The following USH2A variants were observed in gnomAD, a reference collection of about 807,000 sequenced individuals.
USH2A encodes the protein usherin.
In USH2A, 443 loss-of-function variants were observed where a neutral mutation model predicts 538.9. The observed-to-expected ratio is 0.82, with a 90% confidence interval of 0.76 to 0.89. The LOEUF (loss-of-function observed/expected upper bound fraction) is 0.89. USH2A is among the 40% of genes least tolerant of loss of function. The pLI, the probability that USH2A is intolerant of heterozygous loss-of-function variation, is 0.00. For synonymous variants in USH2A, 2,413 were observed against 2,273.5 expected (o/e 1.06, Z -1.75); for missense variants, 6,633 against 6,324.8 (o/e 1.05, Z -1.65).
At chr1:215,701,423 A>C (rs898560563) in intron 61 of USH2A, among the ~76,000 whole-genome samples, 4 of 152,228 alleles carry the variant, frequency 2.6e-5, no homozygotes, top group African/African-American at 9.6e-5. Flanking sequence ...TGGGGTGTTA[A>C]AGTCTCTCAC....
At chr1:216,118,149 C>T (rs1378186413) in intron 21 of USH2A, among the ~76,000 whole-genome samples, 1 of 152,070 alleles carries the variant, frequency 6.6e-6, no homozygotes, top group Non-Finnish European at 1.5e-5. Flanking sequence ...AGAGTTTCTT[C>T]TTTCACAAGT....
At chr1:215,981,399 A>C (rs1277106664) in intron 35 of USH2A, among the ~76,000 whole-genome samples, 1 of 152,106 alleles carries the variant, frequency 6.6e-6, no homozygotes, top group East Asian at 1.9e-4. Context: ...AATAAATGTT[A>C]ATTTTAGTAA....
At chr1:215,941,306 A>G (rs542270352) in intron 37 of USH2A, among the ~76,000 whole-genome samples, 7 of 152,260 alleles carry the variant, frequency 4.6e-5, no homozygotes, top group African/African-American at 1.7e-4. Context: ...AGTACAGTTC[A>G]CTATATATAT....
At chr1:216,321,087 C>T (rs1308437014) in intron 9 of USH2A, among the ~76,000 whole-genome samples, 1 of 152,080 alleles carries the variant, frequency 6.6e-6, no homozygotes, top group African/African-American at 2.4e-5. Context: ...AAGCCACATA[C>T]ATTTTTGTAC....
At chr1:216,337,332 T>C (rs1341894706) in intron 4 of USH2A, among the ~76,000 whole-genome samples, 1 of 151,250 alleles carries the variant, frequency 6.6e-6, no homozygotes, top group Non-Finnish European at 1.5e-5. Context: ...CATATAGATA[T>C]TAAGAAATTT....
intron 21 of USH2A, among the ~76,000 whole-genome samples, chr1:216,108,350 T>C (rs552960986): frequency 1.3e-5 from 2 of 152,066 alleles, no homozygotes; most frequent in Admixed American, 6.5e-5. Context: ...TTTTCTTCTA[T>C]GTAGTGCCTT....
intron 40 of USH2A, among the ~76,000 whole-genome samples, chr1:215,897,719 A>G (rs1029802530): frequency 2.7e-4 from 27 of 99,860 alleles, no homozygotes; most frequent in African/African-American, 1.7e-3. Context: ...AAAAGAAAGA[A>G]AGAGAAAGAA....
At chr1:215,737,102 C>T (rs1235639372) in intron 60 of USH2A, among the ~76,000 whole-genome samples, 1 of 151,726 alleles carries the variant, frequency 6.6e-6, no homozygotes, top group African/African-American at 2.4e-5. Context: ...TGATACACAT[C>T]CATATAACAG....
intron 62 of USH2A, among the ~76,000 whole-genome samples, chr1:215,678,213 C>T (rs750914565): frequency 7.2e-5 from 11 of 152,174 alleles, no homozygotes; most frequent in Non-Finnish European, 1.6e-4. Flanking sequence ...TTTTTAAAAA[C>T]GTAAATTTGA....
At chr1:215,706,622 G>A (rs1344527579) in intron 61 of USH2A, among the ~76,000 whole-genome samples, 1 of 152,090 alleles carries the variant, frequency 6.6e-6, no homozygotes, top group African/African-American at 2.4e-5. Context: ...GACATTTGGT[G>A]GCACACTTAA....
chr1:215,676,718 A>T (rs1036867975), intron 62 of USH2A, among the ~76,000 whole-genome samples: 1 of 152,180 alleles, frequency 6.6e-6, no homozygotes, highest in Non-Finnish European at 1.5e-5. Context: ...CCATGTGGGA[A>T]GGGGACTGCC....
At chr1:216,230,127 T>C (rs1191561813) in intron 14 of USH2A, among the ~76,000 whole-genome samples, 1 of 151,914 alleles carries the variant, frequency 6.6e-6, no homozygotes, top group Non-Finnish European at 1.5e-5. Context: ...AGGAGGACAG[T>C]GGGTTGGGGA....
chr1:216,001,810 G>A (rs1668270953), intron 32 of USH2A, among the ~76,000 whole-genome samples: 1 of 152,006 alleles, frequency 6.6e-6, no homozygotes, highest in African/African-American at 2.4e-5. Context: ...ACAATCAATT[G>A]GTTAAACATG....
At chr1:216,377,695 G>C (rs190055472) in intron 3 of USH2A, among the ~76,000 whole-genome samples, 18 of 145,362 alleles carry the variant, frequency 1.2e-4, no homozygotes, top group African/African-American at 4.6e-4. Context: ...GGGGAGGGGA[G>C]AGCAGGGGAG....
At chr1:216,142,852 C>T (rs1324014796) in intron 21 of USH2A, among the ~76,000 whole-genome samples, 3 of 152,024 alleles carry the variant, frequency 2.0e-5, no homozygotes, top group African/African-American at 7.2e-5. Context: ...TAAATTTTAC[C>T]TAACTTAATC....
At chr1:215,883,916 C>G (rs896439101) in intron 41 of USH2A, among the ~76,000 whole-genome samples, 2 of 152,112 alleles carry the variant, frequency 1.3e-5, no homozygotes, top group African/African-American at 4.8e-5. Context: ...CCAGCTTCAT[C>G]CTTGAAGCCA....
intron 56 of USH2A, 71 bp downstream of exon 56, chr1:215,766,610 A>G: frequency 7.5e-7 from 1 of 1,327,386 alleles, no homozygotes. Flanking sequence ...GTTATGAAGG[A>G]GTTTACAGAT....
intron 9 of USH2A, among the ~76,000 whole-genome samples, chr1:216,293,519 C>T (rs10864237): frequency 0.58 from 87,766 of 152,084 alleles, 27,372 homozygotes; most frequent in East Asian, 0.75. Flanking sequence ...ATGTTAAGTT[C>T]ACCTTCACTA....
intron 49 of USH2A, 133 bp from the exon 50 acceptor site, chr1:215,799,258 T>C: frequency 8.8e-7 from 1 of 1,131,136 alleles, no homozygotes; most frequent in Non-Finnish European, 1.3e-6. Flanking sequence ...AATATCATAT[T>C]GGAGTTGCAA....
Sources: allele counts gnomAD v4.1 joint callset (sites outside exome capture counted in the v4.1 genomes callset), GRCh38; gene constraint gnomAD v4.1.1; transcripts MANE v1.5; gene names NCBI Gene and HGNC (gene_info 2026-07-23, HGNC 2026-07-21).